The following MYO1D variants were observed in gnomAD, a reference collection of about 807,000 sequenced individuals.
MYO1D encodes the protein unconventional myosin-Id.
MYO1D carries 83 observed loss-of-function variants against 122.0 expected under a neutral mutation model. That is an observed-to-expected ratio of 0.68 (90% CI 0.57 to 0.82). The LOEUF (loss-of-function observed/expected upper bound fraction) is 0.82, where lower values mean the gene tolerates loss of function less well. Ranked by LOEUF, MYO1D falls within the 40% of genes least tolerant of loss-of-function variation. The probability of loss-of-function intolerance (pLI) is 0.00; values close to 1 mark genes in which losing one functional copy is unlikely to be tolerated. For missense variants in MYO1D, 1,157 were observed against 1,269.5 expected, an observed-to-expected ratio of 0.91 and a Z score of 1.35; for synonymous variants, 464 against 446.9, an observed-to-expected ratio of 1.04 and a Z score of -0.48.
intron 11 of MYO1D, among the ~76,000 whole-genome samples, chr17:32,752,362 G>A (rs557283904): frequency 2.7e-4 from 41 of 152,208 alleles, no homozygotes; most frequent in African/African-American, 9.2e-4. Flanking sequence ...CTGGACATTG[G>A]CCTAGGCAAA....
At chr17:32,606,035 G>C (rs1003813281) in intron 20 of MYO1D, among the ~76,000 whole-genome samples, 2 of 152,160 alleles carry the variant, frequency 1.3e-5, no homozygotes, top group African/African-American at 4.8e-5. Context: ...AGGAGGCAGA[G>C]GTTGCCGTGA....
chr17:32,513,522 C>A (rs1597866822), intron 21 of MYO1D, among the ~76,000 whole-genome samples: 1 of 152,236 alleles, frequency 6.6e-6, no homozygotes, highest in South Asian at 2.1e-4. Context: ...ACCATGTAGA[C>A]CCAGGAGTAC....
chr17:32,520,724 C>T (rs1264243413), intron 21 of MYO1D, among the ~76,000 whole-genome samples: 2 of 152,190 alleles, frequency 1.3e-5, no homozygotes, highest in Non-Finnish European at 2.9e-5. Flanking sequence ...GATGCTACGT[C>T]CATCCTAAGA....
In MYO1D at chr17:32,859,755, T is replaced by C. The variant is rs2091054544; in HGVS notation, c.95+17023A>G. Among the ~76,000 whole-genome samples, 3 of 152,200 alleles carry C rather than the reference T, an allele frequency of 2.0e-5. No individual in the cohort carries two copies. The South Asian group carries it at 6.2e-4, about 31-fold the overall frequency. ...GTACCCTCAACATATTGAGCATTCT[T>C]TTCTGAATAAATCCTATTCTGTCTA... is the stretch of plus-strand genomic sequence containing the variant. On this transcript the variant is annotated intron_variant, in intron 1 of 21. Transcript: ENST00000318217.
intron 21 of MYO1D, among the ~76,000 whole-genome samples, chr17:32,599,647 T>G (rs895389140): frequency 6.6e-6 from 1 of 152,012 alleles, no homozygotes; most frequent in Non-Finnish European, 1.5e-5. Flanking sequence ...TTATGAAATG[T>G]TTTTCTTTCA....
chr17:32,548,825 T>C (rs750586746), intron 21 of MYO1D, among the ~76,000 whole-genome samples: 7 of 151,288 alleles, frequency 4.6e-5, no homozygotes, highest in Non-Finnish European at 8.8e-5. Flanking sequence ...GCAATACTCC[T>C]GCCTCAGCCT....
chr17:32,517,658 C>T (rs913046130), intron 21 of MYO1D, among the ~76,000 whole-genome samples: 1 of 152,240 alleles, frequency 6.6e-6, no homozygotes, highest in Non-Finnish European at 1.5e-5. Context: ...ATCACCCTCC[C>T]TGGGAACGAC....
intron 20 of MYO1D, among the ~76,000 whole-genome samples, chr17:32,631,333 A>C (rs2088002951): frequency 6.6e-6 from 1 of 152,208 alleles, no homozygotes; most frequent in Non-Finnish European, 1.5e-5. Flanking sequence ...GTTATTAAAA[A>C]AACAGGTTTA....
intron 21 of MYO1D, among the ~76,000 whole-genome samples, chr17:32,551,625 C>T (rs1361699731): frequency 1.3e-5 from 2 of 151,988 alleles, no homozygotes; most frequent in South Asian, 2.1e-4. Flanking sequence ...CTTTTCCCTT[C>T]GGGAGTCTCA....
At chr17:32,580,289 A>ATTTTTT (rs71144843) in intron 21 of MYO1D, among the ~76,000 whole-genome samples, 7 of 39,142 alleles carry the variant, frequency 1.8e-4, no homozygotes, top group African/African-American at 4.5e-4. Flanking sequence ...TGCTAAGAGG[A>ATTTTTT]TTTTTTTTTT....
chr17:32,754,151 A>G (rs927303354), intron 11 of MYO1D, among the ~76,000 whole-genome samples: 2 of 152,218 alleles, frequency 1.3e-5, no homozygotes, highest in African/African-American at 4.8e-5. Context: ...GTGAGTCTCC[A>G]AACCTGAACT....
intron 21 of MYO1D, chr17:32,531,307 AAAT>A (rs2150873071): frequency 6.6e-6 from 1 of 152,288 alleles, no homozygotes; most frequent in South Asian, 2.1e-4. Flanking sequence ...CTGTCGGAAA[AAAT>A]GAGGCCAGCA....
intron 1 of MYO1D, among the ~76,000 whole-genome samples, chr17:32,816,313 A>G (rs2090612993): frequency 6.6e-6 from 1 of 152,184 alleles, no homozygotes; most frequent in East Asian, 1.9e-4. Context: ...TAAACATGAG[A>G]CCTGACCAGG....
At chr17:32,849,546 T>G (rs1375487424) in intron 1 of MYO1D, among the ~76,000 whole-genome samples, 1 of 151,072 alleles carries the variant, frequency 6.6e-6, no homozygotes, top group Non-Finnish European at 1.5e-5. Context: ...ATCATCATTC[T>G]CAGTAAACTA....
chr17:32,731,656 A>G (rs1236899764), intron 14 of MYO1D, among the ~76,000 whole-genome samples: 1 of 152,190 alleles, frequency 6.6e-6, no homozygotes. Flanking sequence ...GGGGAGGTGC[A>G]TCTGGGGTTG....
Position 32,821,678 on chromosome 17 carries a change from T to C in MYO1D, c.96-40894A>G, listed in dbSNP as rs545978725. ...CTACCAAATTCAAACTCGTCCATAC[T>C]AGGGACTGGGGGGAAAAGTTTTTTC... On this transcript the variant is annotated intron_variant, in intron 1 of 21. Coordinates refer to ENST00000318217, the MANE Select transcript of MYO1D (RefSeq NM_015194.3). 2.6e-5 allele frequency among the ~76,000 whole-genome samples: 4 copies of C among 152,218 alleles called. No homozygotes were observed. In the South Asian group the frequency reaches 8.3e-4, roughly 32 times the overall value.
intron 19 of MYO1D, among the ~76,000 whole-genome samples, chr17:32,643,135 G>T (rs948921895): frequency 6.6e-6 from 1 of 152,242 alleles, no homozygotes; most frequent in Non-Finnish European, 1.5e-5. Flanking sequence ...AGCATGAAGC[G>T]CTGTTGAATT....
chr17:32,776,099 T>C, intron 3 of MYO1D, 70 bp from the exon 4 acceptor site: 2 of 1,377,154 alleles, frequency 1.5e-6, no homozygotes, highest in Non-Finnish European at 2.0e-6. Flanking sequence ...AACTGGATTT[T>C]GCTAAACCAC....
intron 16 of MYO1D, chr17:32,686,110 A>T (rs1308485049): frequency 6.6e-6 from 1 of 152,132 alleles, no homozygotes; most frequent in East Asian, 1.9e-4. Context: ...AGATCTGTGG[A>T]AGGGGGAAAA....
Sources: gnomAD v4.1 joint callset for allele counts (sites outside exome capture counted in the v4.1 genomes callset) on GRCh38, gnomAD v4.1.1 for gene constraint, MANE v1.5 for transcripts, NCBI Gene and HGNC (gene_info 2026-07-23, HGNC 2026-07-21) for gene names.